Variants in MMP16 observed in about 807,000 individuals in gnomAD.
MMP16 encodes the protein matrix metalloproteinase-16.
Under a neutral mutation model 67.8 loss-of-function variants are expected in MMP16, and 12 were observed. The ratio of observed to expected loss-of-function variants is 0.18; its 90% CI spans 0.11 to 0.29. The LOEUF is 0.29. Among genes scored for constraint, MMP16 ranks in the 10% least tolerant of loss-of-function variants. The pLI is 1.00. For missense variants in MMP16, 475 were observed against 765.7 expected, an observed-to-expected ratio of 0.62 and a Z score of 4.48; for synonymous variants, 249 against 255.9, an observed-to-expected ratio of 0.97 and a Z score of 0.26.
At chr8:88,119,621 G>A (rs138940866) in intron 4 of MMP16, among the ~76,000 whole-genome samples, 1 of 152,146 alleles carries the variant, frequency 6.6e-6, no homozygotes, top group Non-Finnish European at 1.5e-5. Flanking sequence ...GATATTTGGT[G>A]TGATTTTATG....
intron 7 of MMP16, among the ~76,000 whole-genome samples, chr8:88,073,239 T>C (rs1412590226): frequency 2.6e-5 from 4 of 152,218 alleles, no homozygotes; most frequent in Admixed American, 2.6e-4. Flanking sequence ...ATCCTTGCTT[T>C]GTCCACTGTG....
intron 1 of MMP16, among the ~76,000 whole-genome samples, chr8:88,237,275 T>C (rs911876163): frequency 6.6e-6 from 1 of 152,220 alleles, no homozygotes; most frequent in Non-Finnish European, 1.5e-5. Flanking sequence ...GGATGGGCAT[T>C]ATGCGTTTTG....
chr8:88,262,894 G>T (rs1023034262), intron 1 of MMP16, among the ~76,000 whole-genome samples: 1 of 148,968 alleles, frequency 6.7e-6, no homozygotes, highest in South Asian at 2.2e-4. Flanking sequence ...GCGTGGTAGC[G>T]GGTGCCTGTA....
At chr8:88,221,409 A>G (rs906264183) in intron 1 of MMP16, among the ~76,000 whole-genome samples, 1 of 152,084 alleles carries the variant, frequency 6.6e-6, no homozygotes, top group Non-Finnish European at 1.5e-5. Context: ...CGTCTTCCGT[A>G]TGCACCAAGG....
intron 4 of MMP16, among the ~76,000 whole-genome samples, chr8:88,126,727 T>A (rs1807938840): frequency 6.6e-6 from 1 of 151,808 alleles, no homozygotes; most frequent in Non-Finnish European, 1.5e-5. Flanking sequence ...CATACCGTAT[T>A]TAAAGTCCTG....
intron 4 of MMP16, among the ~76,000 whole-genome samples, chr8:88,149,029 C>T (rs1017203553): frequency 6.6e-6 from 1 of 152,316 alleles, no homozygotes; most frequent in African/African-American, 2.4e-5. Context: ...CAAAGCAGGG[C>T]GAGGCATTGC....
At chr8:88,250,695 G>A (rs935218210) in intron 1 of MMP16, among the ~76,000 whole-genome samples, 15 of 151,346 alleles carry the variant, frequency 9.9e-5, no homozygotes, top group Admixed American at 2.0e-4. Flanking sequence ...TAAGAAACCC[G>A]AGAAATTTAC....
rs1809505257 is a variant in MMP16, at chr8:88,211,107, A to G, written c.133-13801T>C. ...GCTCTTAACAACTTCCAGGAAGCCC[A>G]GAAGAGTGGGTGACAAACCTAGCCT... On this transcript the variant is annotated intron_variant, in intron 1 of 9. Transcript: ENST00000286614. 3.9e-5 allele frequency among the ~76,000 whole-genome samples: 6 copies of G among 152,244 alleles called. No individual in the cohort carries two copies. In the South Asian group the frequency reaches 1.2e-3, roughly 32 times the overall value.
At chr8:88,179,441 C>CA (rs923649618) in intron 3 of MMP16, among the ~76,000 whole-genome samples, 101 of 123,546 alleles carry the variant, frequency 8.2e-4, no homozygotes, top group South Asian at 1.8e-3. Context: ...AATTGCCTTG[C>CA]AAAAAAAAAA....
chr8:88,273,067 T>G (rs1288031791), intron 1 of MMP16, among the ~76,000 whole-genome samples: 4 of 151,352 alleles, frequency 2.6e-5, no homozygotes, highest in Non-Finnish European at 5.9e-5. Flanking sequence ...TTGCTTTGAA[T>G]AGCTAAATAG....
At chr8:88,065,347 T>C (rs980349056) in intron 7 of MMP16, among the ~76,000 whole-genome samples, 5 of 152,098 alleles carry the variant, frequency 3.3e-5, no homozygotes, top group Non-Finnish European at 7.4e-5. Context: ...GCTTTAAATA[T>C]AAATGAAAAT....
chr8:88,277,419 C>T (rs1810665134), intron 1 of MMP16, among the ~76,000 whole-genome samples: 1 of 152,158 alleles, frequency 6.6e-6, no homozygotes, highest in Non-Finnish European at 1.5e-5. Context: ...AGATGAAGCT[C>T]ATCTAAGCTT....
chr8:88,231,829 A>C (rs899512409), intron 1 of MMP16, among the ~76,000 whole-genome samples: 1 of 152,188 alleles, frequency 6.6e-6, no homozygotes, highest in Non-Finnish European at 1.5e-5. Context: ...TTTTTAAAAA[A>C]GTTTTTCTCT....
chr8:88,070,467 C>T (rs1014023730), intron 7 of MMP16, among the ~76,000 whole-genome samples: 1 of 152,058 alleles, frequency 6.6e-6, no homozygotes, highest in Non-Finnish European at 1.5e-5. Context: ...TCCTTTTGTT[C>T]CCACTGATTG....
intron 6 of MMP16, among the ~76,000 whole-genome samples, chr8:88,108,817 G>T (rs1041521750): frequency 6.6e-6 from 1 of 151,216 alleles, no homozygotes; most frequent in Non-Finnish European, 1.5e-5. Context: ...CCAATATTAA[G>T]TTTTTTCCAT....
intron 1 of MMP16, among the ~76,000 whole-genome samples, chr8:88,214,110 ATGACTCCTCCATGTATAGCTC>A (rs1809551889): frequency 6.6e-6 from 1 of 152,194 alleles, no homozygotes; most frequent in Admixed American, 6.6e-5. Flanking sequence ...CATAAACGTG[ATGACTCCTCCATGTATAGCTC>A]AAGATGAACT....
chr8:88,311,565 T>C (rs993202222), intron 1 of MMP16, among the ~76,000 whole-genome samples: 4 of 152,182 alleles, frequency 2.6e-5, no homozygotes, highest in African/African-American at 9.6e-5. Flanking sequence ...TTTTGTTTTG[T>C]AAAATTATTT....
intron 1 of MMP16, among the ~76,000 whole-genome samples, chr8:88,236,508 G>T (rs938080225): frequency 6.6e-6 from 1 of 152,102 alleles, no homozygotes; most frequent in Admixed American, 6.5e-5. Flanking sequence ...TGTAATCCCA[G>T]CACTTTGGAG....
At chr8:88,290,411 G>A (rs1586002390) in intron 1 of MMP16, among the ~76,000 whole-genome samples, 1 of 152,160 alleles carries the variant, frequency 6.6e-6, no homozygotes, top group East Asian at 1.9e-4. Flanking sequence ...AAATTAGCAG[G>A]GCATGGTGGC....
Sources: gnomAD v4.1 joint callset for allele counts (sites outside exome capture counted in the v4.1 genomes callset) on GRCh38, gnomAD v4.1.1 for gene constraint, MANE v1.5 for transcripts, NCBI Gene and HGNC (gene_info 2026-07-23, HGNC 2026-07-21) for gene names.